SEC62: variants seen among roughly 807,000 people sequenced by gnomAD.
The protein encoded by SEC62 is SEC62 preprotein translocation factor.
Under a neutral mutation model 47.5 loss-of-function variants are expected in SEC62, and 10 were observed. The ratio of observed to expected loss-of-function variants is 0.21; its 90% CI spans 0.13 to 0.36. The LOEUF is 0.36. SEC62 is among the 10% of genes least tolerant of loss of function. The pLI is 1.00. For synonymous variants in SEC62, 136 were observed against 150.5 expected (o/e 0.90, Z 0.71); for missense variants, 327 against 464.1 (o/e 0.70, Z 2.71).
intron 1 of SEC62, 81 bp downstream of exon 1, chr3:169,966,939 G>A (rs1198167086): frequency 2.9e-6 from 2 of 698,840 alleles, no homozygotes; most frequent in South Asian, 1.6e-5. Context: ...AAAAGGGCGA[G>A]CGAAAGCAAG....
At chr3:169,989,320 G>T (rs1411006439) in intron 7 of SEC62, among the ~76,000 whole-genome samples, 2 of 149,208 alleles carry the variant, frequency 1.3e-5, no homozygotes. Flanking sequence ...GACCTCAGGT[G>T]ATCTGCCCTC....
Position 169,987,018 on chromosome 3 carries a change from G to T in SEC62, c.610+1153G>T, listed in dbSNP as rs183725406. Among the ~76,000 whole-genome samples, 5 of 151,624 alleles carry T rather than the reference G, an allele frequency of 3.3e-5. No homozygotes were observed. The East Asian group carries it at 9.7e-4, about 29-fold the overall frequency. ...ATTTGTTTTTGATTTGCTTTTTAAC[G>T]TGTGTATTCCAGGAGGTTTTATGGG... On this transcript the variant is annotated intron_variant, in intron 6 of 7. Coordinates refer to ENST00000337002, the MANE Select transcript of SEC62 (RefSeq NM_003262.4).
At chr3:169,989,993 GAT>G (rs971357344) in intron 7 of SEC62, among the ~76,000 whole-genome samples, 70 of 137,426 alleles carry the variant, frequency 5.1e-4, no homozygotes, top group African/African-American at 1.9e-3. Flanking sequence ...ATGATATATA[GAT>G]ATATGATATA....
intron 7 of SEC62, among the ~76,000 whole-genome samples, chr3:169,989,828 C>G (rs1350551639): frequency 6.6e-6 from 1 of 151,662 alleles, no homozygotes; most frequent in African/African-American, 2.4e-5. Flanking sequence ...TACCAGGAAA[C>G]AAACCCAACA....
At chr3:169,985,108 A>C (rs1184466313) in intron 5 of SEC62, 1 of 151,792 alleles carries the variant, frequency 6.6e-6, no homozygotes, top group Non-Finnish European at 1.5e-5. Flanking sequence ...GTGATACTAG[A>C]TCTGTAATAG....
At chr3:169,990,554 A>G (rs991319373) in intron 7 of SEC62, among the ~76,000 whole-genome samples, 1 of 152,136 alleles carries the variant, frequency 6.6e-6, no homozygotes, top group Admixed American at 6.5e-5. Context: ...GGTTAGTGCC[A>G]TTTCTATATT....
rs1396228457 is a variant in SEC62, at chr3:169,997,389, C to G, written c.*4326C>G. 1 of 152,148 alleles carries G rather than the reference C, an allele frequency of 6.6e-6. No homozygotes were observed. Among genetic ancestry groups the G allele is most frequent in the African/African-American group, 2.4e-5 (1 of 41,442 alleles). 9.4% of individuals were successfully genotyped at this position (152,148 alleles called of 1,614,324 possible). A position where few individuals can be genotyped will look rare whatever the true frequency, so the allele number is the denominator to read the frequency against. ...GGGGGTCATATCATCACACTTTGGT[C>G]TTATTTCATTTTCAATGATTTCCTA... On this transcript the variant is annotated 3_prime_UTR_variant, in exon 8 of 8. Transcript: ENST00000337002.
intron 1 of SEC62, chr3:169,969,530 T>C (rs994434523): frequency 3.0e-6 from 1 of 327,912 alleles, no homozygotes; most frequent in African/African-American, 2.1e-5. Flanking sequence ...TTTCATAAAT[T>C]CAGTCTTAAC....
chr3:169,969,655 T>C (rs976697891), intron 1 of SEC62, among the ~76,000 whole-genome samples: 3 of 152,204 alleles, frequency 2.0e-5, no homozygotes, highest in Non-Finnish European at 2.9e-5. Flanking sequence ...TCAATCAAGA[T>C]AGTAAAACCA....
chr3:169,974,615 T>A (rs1372698338), intron 1 of SEC62, among the ~76,000 whole-genome samples: 2 of 152,324 alleles, frequency 1.3e-5, no homozygotes, highest in East Asian at 3.9e-4. Flanking sequence ...TCAGTGCACT[T>A]CCATTAATCA....
At position 169,992,559 on chromosome 3, in the gene SEC62, G is replaced by A; in HGVS notation, c.731-35G>A. 6.8e-7 allele frequency: 1 copy of A among 1,463,500 alleles called. No homozygotes were observed. The allele number at this position is 1,463,500 out of a possible 1,614,324, so 90.7% of individuals were successfully genotyped here. Reference sequence around the variant, plus strand: ...AATACTCCCTTCTGAGGCAGTGTTTGAATTACTCAATTAGAGAAATTTTTC... The same window carrying A: ...AATACTCCCTTCTGAGGCAGTGTTTAAATTACTCAATTAGAGAAATTTTTC... On this transcript the variant is annotated intron_variant, in intron 7 of 7. Transcript: ENST00000337002. The surrounding 1 kb of genome is among the most constrained non-coding windows in gnomAD (Gnocchi z 4.0).
intron 1 of SEC62, among the ~76,000 whole-genome samples, chr3:169,974,163 T>C (rs1714772084): frequency 6.6e-6 from 1 of 152,268 alleles, no homozygotes; most frequent in Non-Finnish European, 1.5e-5. Context: ...GCATTAATTC[T>C]TAGCATCTTA....
chr3:169,968,972 A>G (rs1305453607), intron 1 of SEC62, among the ~76,000 whole-genome samples: 1 of 152,196 alleles, frequency 6.6e-6, no homozygotes, highest in Non-Finnish European at 1.5e-5. Flanking sequence ...ACTAGCCTAG[A>G]AAGTACCTCA....
chr3:169,982,563 C>T (rs1179999200), intron 3 of SEC62, 144 bp from the exon 4 acceptor site: 1 of 963,710 alleles, frequency 1.0e-6, no homozygotes, highest in Admixed American at 1.8e-5. Context: ...GAGTTGACTA[C>T]TTTTTCACGG....
chr3:169,984,877 T>C lies in SEC62; in HGVS notation c.550-928T>C, dbSNP rs182203134. On this transcript the variant is annotated intron_variant, in intron 5 of 7. Transcript: ENST00000337002. ...AATAAAACTGAGTTTTATGGATGAATGATCAAACAGAGTTCTGATCTGAAT... is the reference window on the plus strand; with the variant it reads ...AATAAAACTGAGTTTTATGGATGAACGATCAAACAGAGTTCTGATCTGAAT... Among the ~76,000 whole-genome samples, 78 of 152,270 alleles carry C rather than the reference T, an allele frequency of 5.1e-4. 1 individual carries two copies. In the South Asian group the frequency reaches 0.012, roughly 23 times the overall value.
chr3:169,972,486 T>G (rs1480391305), intron 1 of SEC62, among the ~76,000 whole-genome samples: 2 of 152,128 alleles, frequency 1.3e-5, no homozygotes, highest in East Asian at 3.9e-4. Context: ...ATGATCTTGG[T>G]TCACTGCAGC....
intron 7 of SEC62, among the ~76,000 whole-genome samples, chr3:169,989,070 G>T (rs1049438871): frequency 6.6e-6 from 1 of 151,156 alleles, no homozygotes; most frequent in Admixed American, 6.6e-5. Flanking sequence ...TGAATTTTCC[G>T]CATTTCTGGA....
intron 3 of SEC62, among the ~76,000 whole-genome samples, chr3:169,979,310 C>T (rs538794402): frequency 9.2e-5 from 14 of 152,258 alleles, no homozygotes; most frequent in Middle Eastern, 3.4e-3. Flanking sequence ...TGACCAGTTT[C>T]TTTTTTTCTT....
intron 5 of SEC62, among the ~76,000 whole-genome samples, chr3:169,984,392 G>T (rs941269064): frequency 1.3e-5 from 2 of 152,180 alleles, no homozygotes; most frequent in Non-Finnish European, 1.5e-5. Flanking sequence ...AGTGTGGTAA[G>T]CATTAATGGT....
Sources: allele counts gnomAD v4.1 joint callset (sites outside exome capture counted in the v4.1 genomes callset), GRCh38; gene constraint gnomAD v4.1.1; non-coding constraint Gnocchi (gnomAD v3.1); transcripts MANE v1.5; gene names NCBI Gene and HGNC (gene_info 2026-07-23, HGNC 2026-07-21).